Variants in PTPRD observed in about 807,000 individuals in gnomAD.
PTPRD encodes protein tyrosine phosphatase receptor type D, also known as receptor-type tyrosine-protein phosphatase delta.
In PTPRD, 34 loss-of-function variants were observed where a neutral mutation model predicts 214.5. That is an observed-to-expected ratio of 0.16 (90% CI 0.12 to 0.21). The LOEUF (loss-of-function observed/expected upper bound fraction) is 0.21, where lower values mean the gene tolerates loss of function less well. Among genes scored for constraint, PTPRD ranks in the 10% least tolerant of loss-of-function variants. The pLI, the probability that PTPRD is intolerant of heterozygous loss-of-function variation, is 1.00. For synonymous variants in PTPRD, 1,128 were observed against 845.7 expected, an observed-to-expected ratio of 1.33 and a Z score of -5.79; for missense variants, 2,545 against 2,398.7, an observed-to-expected ratio of 1.06 and a Z score of -1.27.
At chr9:9,348,074 C>T (rs974266947) in intron 9 of PTPRD, among the ~76,000 whole-genome samples, 1 of 152,106 alleles carries the variant, frequency 6.6e-6, no homozygotes, top group Non-Finnish European at 1.5e-5. Flanking sequence ...TGTGCACAAT[C>T]AAGCTAGAGA....
At chr9:9,228,264 G>A (rs145308363) in intron 9 of PTPRD, among the ~76,000 whole-genome samples, 2 of 152,070 alleles carry the variant, frequency 1.3e-5, no homozygotes, top group East Asian at 3.9e-4. Context: ...TAAATAGGAT[G>A]TGGTCAGCTT....
At chr9:10,607,196 G>T (rs1457098397) in intron 2 of PTPRD, among the ~76,000 whole-genome samples, 6 of 151,594 alleles carry the variant, frequency 4.0e-5, no homozygotes, top group African/African-American at 1.5e-4. Context: ...TTGCTTCATG[G>T]TTATTTCAAA....
rs10977841 is a variant in PTPRD at position 9,542,820 on chromosome 9, C to A, written c.-237+31912G>T. ...CAATACAATTCCTAGTGTTAACAACCATGAGGAGCAACTGGAACTCTTACA... is the reference window on the plus strand; with the variant it reads ...CAATACAATTCCTAGTGTTAACAACAATGAGGAGCAACTGGAACTCTTACA... On this transcript the variant is annotated intron_variant, in intron 8 of 45. Transcript: ENST00000381196. Among the ~76,000 whole-genome samples the A allele has an allele frequency of 9.2e-5, 14 of 151,488 alleles. No individual in the cohort carries two copies. In the South Asian group the frequency reaches 1.9e-3, roughly 20 times the overall value.
chr9:10,181,713 A>G (rs1278409751), intron 3 of PTPRD, among the ~76,000 whole-genome samples: 1 of 151,822 alleles, frequency 6.6e-6, no homozygotes, highest in Non-Finnish European at 1.5e-5. Flanking sequence ...TAAAAACATA[A>G]TCTATGGCAA....
chr9:9,588,880 T>C (rs1037331741), intron 7 of PTPRD, among the ~76,000 whole-genome samples: 2 of 151,994 alleles, frequency 1.3e-5, no homozygotes, highest in Admixed American at 1.3e-4. Flanking sequence ...ATTCTTATAG[T>C]TGGGTTCAAA....
At chr9:9,866,033 C>T (rs940169354) in intron 5 of PTPRD, among the ~76,000 whole-genome samples, 6 of 152,190 alleles carry the variant, frequency 3.9e-5, no homozygotes, top group Non-Finnish European at 8.8e-5. Flanking sequence ...TTCTCGTACA[C>T]TTGCCTTCCT....
At chr9:9,390,701 A>T (rs1025603836) in intron 9 of PTPRD, among the ~76,000 whole-genome samples, 2 of 152,318 alleles carry the variant, frequency 1.3e-5, no homozygotes, top group South Asian at 4.1e-4. Context: ...ACTGAAGCAG[A>T]CTTAGTGTTG....
Position 10,353,050 on chromosome 9 carries a change from C to T in PTPRD, c.-599-12033G>A, listed in dbSNP as rs2097209053. On this transcript the variant is annotated intron_variant, in intron 2 of 45. Transcript: ENST00000381196. Reference sequence around the variant, plus strand: ...GTATATATGGTAATTTGCCTTTTAACAAGTCCCTTAAAATTACCAGAAAAT... The same window carrying T: ...GTATATATGGTAATTTGCCTTTTAATAAGTCCCTTAAAATTACCAGAAAAT... Among the ~76,000 whole-genome samples the T allele has an allele frequency of 2.6e-5, 4 of 151,936 alleles. No individual in the cohort carries two copies. The South Asian group carries it at 8.3e-4, about 31-fold the overall frequency.
chr9:10,149,520 C>A (rs1464186389), intron 3 of PTPRD, among the ~76,000 whole-genome samples: 1 of 152,136 alleles, frequency 6.6e-6, no homozygotes. Context: ...TGCCCTCCAG[C>A]GTGCCTCCGT....
rs186378102 is a variant in PTPRD, at chr9:10,517,552, G to A, written c.-600+94846C>T. 2.3e-3 allele frequency among the ~76,000 whole-genome samples: 343 copies of A among 152,088 alleles called. 5 individuals carry two copies. Among genetic ancestry groups the A allele is most frequent in the Non-Finnish European group, 5.9e-4 (40 of 67,892 alleles). On this transcript the variant is annotated intron_variant, in intron 2 of 45. Coordinates refer to ENST00000381196, the MANE Select transcript of PTPRD (RefSeq NM_002839.4). ...ATTACTAGTTTTCAGATTAGGAGAA[G>A]AGAACAAACTATTTTGTCCAATGTA... is the stretch of plus-strand genomic sequence containing the variant.
At chr9:9,550,048 T>C (rs1042822731) in intron 8 of PTPRD, among the ~76,000 whole-genome samples, 3 of 152,046 alleles carry the variant, frequency 2.0e-5, no homozygotes, top group African/African-American at 4.8e-5. Flanking sequence ...GCTGTGAATA[T>C]ATTTTTAAAA....
intron 2 of PTPRD, among the ~76,000 whole-genome samples, chr9:10,363,498 A>G (rs1217307361): frequency 6.6e-6 from 1 of 152,250 alleles, no homozygotes; most frequent in Admixed American, 6.5e-5. Flanking sequence ...ATGTGATGTT[A>G]AATTCTTCAA....
At chr9:8,980,710 A>G (rs1043399715) in intron 11 of PTPRD, among the ~76,000 whole-genome samples, 6 of 152,082 alleles carry the variant, frequency 3.9e-5, no homozygotes, top group Non-Finnish European at 8.8e-5. Flanking sequence ...GTGATCATAA[A>G]TATATGTAGC....
chr9:10,376,513 C>A (rs754994623), intron 2 of PTPRD, among the ~76,000 whole-genome samples: 2 of 151,514 alleles, frequency 1.3e-5, no homozygotes, highest in Admixed American at 1.3e-4. Flanking sequence ...AAACATAATT[C>A]GTTACTTGCT....
chr9:8,616,256 C>T (rs1030008466), intron 14 of PTPRD, among the ~76,000 whole-genome samples: 7 of 152,034 alleles, frequency 4.6e-5, no homozygotes, highest in Admixed American at 6.6e-5. Context: ...AAGACAAAAG[C>T]GTCCACACTA....
At chr9:8,475,717 A>C (rs1335868078) in intron 30 of PTPRD, among the ~76,000 whole-genome samples, 2 of 152,172 alleles carry the variant, frequency 1.3e-5, no homozygotes, top group South Asian at 4.1e-4. Flanking sequence ...TATCATTGAC[A>C]ATCTGCCTTT....
chr9:9,645,584 C>T (rs116138615), intron 7 of PTPRD, among the ~76,000 whole-genome samples: 3,950 of 151,542 alleles, frequency 0.026, 171 homozygotes, highest in African/African-American at 0.091. Context: ...CCCAGAATTT[C>T]TGATGTCTTC....
chr9:8,364,066 C>G (rs983615206), intron 39 of PTPRD, among the ~76,000 whole-genome samples: 1 of 152,182 alleles, frequency 6.6e-6, no homozygotes, highest in African/African-American at 2.4e-5. Flanking sequence ...CAGAGTTTTA[C>G]ACAGCTAAAT....
chr9:10,004,717 T>A (rs2096430929), intron 4 of PTPRD, among the ~76,000 whole-genome samples: 1 of 152,072 alleles, frequency 6.6e-6, no homozygotes, highest in African/African-American at 2.4e-5. Flanking sequence ...CATAATTTTA[T>A]AAACACCAAA....
Sources: allele counts gnomAD v4.1 joint callset (sites outside exome capture counted in the v4.1 genomes callset), GRCh38; gene constraint gnomAD v4.1.1; transcripts MANE v1.5; gene names NCBI Gene and HGNC (gene_info 2026-07-23, HGNC 2026-07-21).